The following ANKRD62 variants were observed in gnomAD, a reference collection of about 807,000 sequenced individuals.
The protein encoded by ANKRD62 is ankyrin repeat domain-containing protein 62.
ANKRD62 carries 61 observed loss-of-function variants against 98.8 expected under a neutral mutation model. The observed-to-expected ratio is 0.62, with a 90% CI of 0.50 to 0.76. ANKRD62 has a LOEUF of 0.76. Among genes scored for constraint, ANKRD62 ranks in the 30% least tolerant of loss-of-function variants. The probability of loss-of-function intolerance (pLI) is 0.00; values close to 1 mark genes in which losing one functional copy is unlikely to be tolerated. For missense variants in ANKRD62, 933 were observed against 1,082.9 expected (o/e 0.86, Z 1.94); for synonymous variants, 341 against 367.9 (o/e 0.93, Z 0.84).
At chr18:12,115,823 C>T (rs892198484) in intron 10 of ANKRD62, among the ~76,000 whole-genome samples, 3 of 152,104 alleles carry the variant, frequency 2.0e-5, no homozygotes, top group Non-Finnish European at 4.4e-5. Flanking sequence ...TATCTTGTAC[C>T]TGGAATACTG....
At chr18:12,155,520 C>T in the ANKRD62 span, among the ~76,000 whole-genome samples, 35 of 152,204 alleles carry the variant, frequency 2.3e-4, no homozygotes, top group African/African-American at 8.2e-4. Context: ...CCTGTGGACA[C>T]GGGCTTCCTT....
chr18:12,175,726 A>T, the ANKRD62 span, among the ~76,000 whole-genome samples: 1 of 151,936 alleles, frequency 6.6e-6, no homozygotes, highest in South Asian at 2.1e-4. Flanking sequence ...TCCTGAAAAG[A>T]TGACTTAAAA....
At chr18:12,150,254 A>G in the ANKRD62 span, among the ~76,000 whole-genome samples, 3 of 152,350 alleles carry the variant, frequency 2.0e-5, no homozygotes, top group Admixed American at 6.5e-5. Flanking sequence ...ACAAAAAATT[A>G]TAAAAACAAC....
the ANKRD62 span, among the ~76,000 whole-genome samples, chr18:12,173,474 G>T: frequency 2.0e-5 from 3 of 152,060 alleles, no homozygotes; most frequent in African/African-American, 7.2e-5. Context: ...TTTTAAGTAG[G>T]GCATTTAGCC....
In ANKRD62 at chr18:12,129,609, G is replaced by C. The variant is rs571324308; in HGVS notation, c.*1670G>C. The C allele has an allele frequency of 6.6e-6, 1 of 152,318 alleles. No homozygotes were observed. The highest frequency in any genetic ancestry group is 1.5e-5 in the Non-Finnish European group (1 of 68,102). 9.4% of individuals were successfully genotyped at this position (152,318 alleles called of 1,614,324 possible). A position where few individuals can be genotyped will look rare whatever the true frequency, so the allele number is the denominator to read the frequency against. ...AAAAAACACAAAAAATTAGCCAGGCGTGGTGGCAGGCGCCTGTAGTCCCAG... is the reference window on the plus strand; with the variant it reads ...AAAAAACACAAAAAATTAGCCAGGCCTGGTGGCAGGCGCCTGTAGTCCCAG... On this transcript the variant is annotated 3_prime_UTR_variant, in exon 14 of 14. Transcript: ENST00000587848.
intron 10 of ANKRD62, among the ~76,000 whole-genome samples, chr18:12,121,098 G>A (rs1390621683): frequency 1.3e-5 from 2 of 152,144 alleles, no homozygotes; most frequent in Non-Finnish European, 2.9e-5. Flanking sequence ...TTACGATTGT[G>A]ATCTGTGTTT....
At chr18:12,167,139 T>G in the ANKRD62 span, among the ~76,000 whole-genome samples, 1 of 151,924 alleles carries the variant, frequency 6.6e-6, no homozygotes, top group African/African-American at 2.4e-5. Flanking sequence ...TTAAATTTTA[T>G]TTTTTCTTTA....
intron 10 of ANKRD62, among the ~76,000 whole-genome samples, chr18:12,118,471 T>C (rs1909713960): frequency 6.6e-6 from 1 of 151,922 alleles, no homozygotes; most frequent in Non-Finnish European, 1.5e-5. Flanking sequence ...TAGCCGGGTG[T>C]GGTGGCGGGC....
At chr18:12,133,219 G>A (rs1224798074), downstream of ANKRD62, among the ~76,000 whole-genome samples, 1 of 151,984 alleles carries the variant, frequency 6.6e-6, no homozygotes, top group African/African-American at 2.4e-5. Context: ...TGTTTTCAAG[G>A]CTCATCTATA....
At chr18:12,103,593 C>T (rs1018102078) in intron 7 of ANKRD62, among the ~76,000 whole-genome samples, 1 of 151,950 alleles carries the variant, frequency 6.6e-6, no homozygotes, top group African/African-American at 2.4e-5. Flanking sequence ...GTAATCATTG[C>T]CAATGGTCCA....
chr18:12,094,247 A>T lies in ANKRD62; in HGVS notation c.218+12A>T. 6.6e-7 allele frequency: 1 copy of T among 1,516,928 alleles called. No individual in the cohort carries two copies. Among genetic ancestry groups the T allele is most frequent in the Non-Finnish European group, 8.8e-7 (1 of 1,141,998 alleles). 94.0% of individuals were successfully genotyped at this position (1,516,928 alleles called of 1,614,324 possible). On this transcript the variant is annotated intron_variant, in intron 1 of 13. Transcript: ENST00000587848. ...GACAAGAAGAACAGGTAAGGGGAACAGGAAGCCGGGAGGAGGCCTGGGGAT... is the reference window on the plus strand; with the variant it reads ...GACAAGAAGAACAGGTAAGGGGAACTGGAAGCCGGGAGGAGGCCTGGGGAT...
chr18:12,094,234 A>G lies in ANKRD62; in HGVS notation c.217A>G (p.Arg73Gly). Reference sequence around the variant, plus strand: ...CTTGAACGACAGGGACAAGAAGAACAGGTAAGGGGAACAGGAAGCCGGGAG... The same window carrying G: ...CTTGAACGACAGGGACAAGAAGAACGGGTAAGGGGAACAGGAAGCCGGGAG... ...NDLNDRDKKN[R>G]TALLLACAHG... Residue 73 changes from arginine to glycine, a missense_variant and splice_region_variant, in exon 1 of 14, where the codon AGG becomes GGG. Arg to Gly is a moderately radical substitution (Grantham distance 125). This residue lies in a region of ANKRD62 where 549 missense variants were observed against 587.9 expected (regional missense o/e 0.93). Coordinates refer to ENST00000587848, the MANE Select transcript of ANKRD62 (RefSeq NM_001277333.2). The G allele has an allele frequency of 6.6e-7, 1 of 1,523,046 alleles. No individual in the cohort carries two copies. The highest frequency in any genetic ancestry group is 8.7e-7 in the Non-Finnish European group (1 of 1,143,958). 94.3% of individuals were successfully genotyped at this position (1,523,046 alleles called of 1,614,324 possible).
chr18:12,173,178 G>A, the ANKRD62 span, among the ~76,000 whole-genome samples: 53 of 152,314 alleles, frequency 3.5e-4, no homozygotes, highest in South Asian at 0.011. Flanking sequence ...CCTGTCTTCT[G>A]CATTGCTCAC....
chr18:12,141,059 GC>G, the ANKRD62 span, among the ~76,000 whole-genome samples: 13 of 152,198 alleles, frequency 8.5e-5, no homozygotes, highest in Admixed American at 8.5e-4. Context: ...AATGGCGGGC[GC>G]CCCTCCGCCA....
At chr18:12,123,616 C>T (rs1202208745) in intron 11 of ANKRD62, among the ~76,000 whole-genome samples, 1 of 152,064 alleles carries the variant, frequency 6.6e-6, no homozygotes, top group Non-Finnish European at 1.5e-5. Context: ...GGGGTAACAT[C>T]TTAGATTCTT....
chr18:12,138,870 C>G, the ANKRD62 span, among the ~76,000 whole-genome samples: 3 of 152,044 alleles, frequency 2.0e-5, no homozygotes, highest in Admixed American at 6.6e-5. Context: ...TGCAACCCCT[C>G]CCTTTTTTTG....
At chr18:12,171,853 T>A in the ANKRD62 span, among the ~76,000 whole-genome samples, 1 of 152,156 alleles carries the variant, frequency 6.6e-6, no homozygotes, top group African/African-American at 2.4e-5. Flanking sequence ...TACCCTTTTT[T>A]CTCTAAACTT....
At chr18:12,114,957 T>G in intron 8 of ANKRD62, 131 bp from the exon 9 acceptor site, 1 of 714,502 alleles carries the variant, frequency 1.4e-6, no homozygotes, top group Non-Finnish European at 2.0e-6. Flanking sequence ...GTAAAAACAT[T>G]ACCTGTAAAC....
chr18:12,102,638 C>T, intron 6 of ANKRD62: 1 of 774,356 alleles, frequency 1.3e-6, no homozygotes, highest in Non-Finnish European at 1.6e-6. Flanking sequence ...GAAGAGTTTA[C>T]ACAGCTGTTG....
Sources: gnomAD v4.1 joint callset for allele counts (sites outside exome capture counted in the v4.1 genomes callset) on GRCh38, gnomAD v4.1.1 for gene constraint, gnomAD v4.1.1 regional missense constraint, MANE v1.5 for transcripts, NCBI Gene and HGNC (gene_info 2026-07-23, HGNC 2026-07-21) for gene names.